The following DNAJC17 variants were observed in gnomAD, a reference collection of about 807,000 sequenced individuals.
DNAJC17 encodes the protein dnaJ homolog subfamily C member 17.
Under a neutral mutation model 48.1 loss-of-function variants are expected in DNAJC17, and 35 were observed. The ratio of observed to expected loss-of-function variants is 0.73; its 90% CI spans 0.56 to 0.96. The LOEUF (loss-of-function observed/expected upper bound fraction) is 0.96. DNAJC17 is among the 50% of genes least tolerant of loss of function. The pLI, the probability that DNAJC17 is intolerant of heterozygous loss-of-function variation, is 0.00. For missense variants in DNAJC17, 355 were observed against 377.1 expected, an observed-to-expected ratio of 0.94 and a Z score of 0.48; for synonymous variants, 117 against 142.7, an observed-to-expected ratio of 0.82 and a Z score of 1.28.
At chr15:40,799,481 G>A (rs1178556749) in intron 1 of DNAJC17, among the ~76,000 whole-genome samples, 1 of 152,098 alleles carries the variant, frequency 6.6e-6, no homozygotes, top group African/African-American at 2.4e-5. Flanking sequence ...GTGATATGAG[G>A]GAAGAACATT....
Position 40,807,395 on chromosome 15 carries a change from T to C in DNAJC17, c.52A>G (p.Ile18Val). ...LQMDLYALLG[I>V]EEKAADKEVK... ...TCTTTGTCCGCTGCCTTCTCCTCAA[T>C]GCCTAGCAGCGCGTACAGGTCCATC... is the stretch of plus-strand genomic sequence containing the variant. The change falls in exon 1 of 11, where the codon ATT becomes GTT. Residue 18 changes from isoleucine to valine, a missense_variant. Physicochemically the swap from Ile to Val is conservative, Grantham distance 29. This residue lies in a region of DNAJC17 where 199 missense variants were observed against 199.9 expected (regional missense o/e 1.00). Transcript: ENST00000220496. The C allele has an allele frequency of 6.2e-7, 1 of 1,614,254 alleles. No homozygotes were observed. The highest frequency in any genetic ancestry group is 1.3e-5 in the African/African-American group (1 of 75,080).
At chr15:40,776,150 C>G in intron 6 of DNAJC17, 46 bp downstream of exon 6, 4 of 1,590,546 alleles carry the variant, frequency 2.5e-6, no homozygotes, top group East Asian at 4.5e-5. Flanking sequence ...TCTGAGCAAT[C>G]TGGAGCTACC....
At chr15:40,803,598 C>G (rs1041470053) in intron 1 of DNAJC17, among the ~76,000 whole-genome samples, 4 of 152,210 alleles carry the variant, frequency 2.6e-5, no homozygotes, top group African/African-American at 9.7e-5. Context: ...CTCCACATGT[C>G]CAAACTCTGC....
intron 1 of DNAJC17, among the ~76,000 whole-genome samples, chr15:40,796,604 G>C (rs1889945125): frequency 6.6e-6 from 1 of 152,190 alleles, no homozygotes; most frequent in South Asian, 2.1e-4. Context: ...GAAAATTTAA[G>C]TGTGGAAAGG....
In DNAJC17 at chr15:40,767,088, C is replaced by T; in HGVS notation, c.*852G>A. The T allele has an allele frequency of 1.2e-6, 1 of 818,022 alleles. No individual in the cohort carries two copies. The highest frequency in any genetic ancestry group is 1.8e-6 in the Non-Finnish European group (1 of 560,626). 50.7% of individuals were successfully genotyped at this position (818,022 alleles called of 1,614,324 possible). On this transcript the variant is annotated 3_prime_UTR_variant, in exon 11 of 11. Transcript: ENST00000220496. ...AAGGGGAGGAGGCAGGGGGCGTGCA[C>T]TTACCCCAGCGCCCAGCAAGCAGCC...
chr15:40,779,776 C>T (rs907392523), intron 2 of DNAJC17, 152 bp downstream of exon 2: 4 of 1,092,512 alleles, frequency 3.7e-6, no homozygotes, highest in Non-Finnish European at 5.3e-6. Flanking sequence ...TGACCAGACA[C>T]CCCTCACAGG....
rs117520770 is a variant in DNAJC17, at chr15:40,804,929, G to C, written c.78+2440C>G. ...AGGCAGGAGAATTCCCTGAACCTGG[G>C]GGGCAGAGGTTGCAGTGAGCCAAGG... On this transcript the variant is annotated intron_variant, in intron 1 of 10. Transcript: ENST00000220496. Among the ~76,000 whole-genome samples, 250 of 150,862 alleles carry C rather than the reference G, an allele frequency of 1.7e-3. 5 individuals are homozygous for C. In the East Asian group the frequency reaches 0.046, roughly 27 times the overall value.
intron 1 of DNAJC17, among the ~76,000 whole-genome samples, chr15:40,800,005 G>T (rs916497574): frequency 7.3e-5 from 11 of 150,812 alleles, no homozygotes; most frequent in South Asian, 2.1e-4. Context: ...TTTTTTTTTT[G>T]TTGTTGTTGT....
chr15:40,775,817 T>C (rs16970995), intron 6 of DNAJC17, among the ~76,000 whole-genome samples: 7,531 of 152,098 alleles, frequency 0.05, 643 homozygotes, highest in African/African-American at 0.17. Context: ...TGAAGGCCAC[T>C]TGTCAGCACT....
intron 2 of DNAJC17, 41 bp from the exon 3 acceptor site, chr15:40,779,644 A>C (rs1889426025): frequency 1.2e-6 from 2 of 1,606,746 alleles, no homozygotes; most frequent in Non-Finnish European, 1.7e-6. Flanking sequence ...AAATAAAGTT[A>C]AGACTTCGTA....
chr15:40,788,761 G>A (rs1459172702), intron 1 of DNAJC17, among the ~76,000 whole-genome samples: 1 of 151,952 alleles, frequency 6.6e-6, no homozygotes, highest in Admixed American at 6.6e-5. Context: ...TGTAGTCCCA[G>A]CTACTTGGGT....
chr15:40,765,601 A>G lies in DNAJC17; in HGVS notation c.*2339T>C, dbSNP rs1888930412. The G allele has an allele frequency of 1.7e-5, 6 of 351,356 alleles. No individual in the cohort carries two copies. The allele number at this position is 351,356 out of a possible 1,614,324, so 21.8% of individuals were successfully genotyped here. On this transcript the variant is annotated 3_prime_UTR_variant, in exon 11 of 11. Transcript: ENST00000220496. ...TAGGCTCGTGATACTTTGCCTGGCTAAAGCTGAGCTTTAAGGCACTAGGGA... is the reference window on the plus strand; with the variant it reads ...TAGGCTCGTGATACTTTGCCTGGCTGAAGCTGAGCTTTAAGGCACTAGGGA...
chr15:40,801,124 C>T (rs952586137), intron 1 of DNAJC17, among the ~76,000 whole-genome samples: 1 of 152,202 alleles, frequency 6.6e-6, no homozygotes, highest in African/African-American at 2.4e-5. Context: ...GCTACTACTT[C>T]ATTCATTCAA....
intron 1 of DNAJC17, chr15:40,807,077 G>A (rs923400369): frequency 4.7e-6 from 3 of 644,598 alleles, no homozygotes; most frequent in Non-Finnish European, 5.2e-6. Flanking sequence ...CGCAGGCGCA[G>A]AGGAGGCTAG....
chr15:40,773,342 G>A (rs1239496154), intron 10 of DNAJC17, among the ~76,000 whole-genome samples: 1 of 152,108 alleles, frequency 6.6e-6, no homozygotes, highest in African/African-American at 2.4e-5. Context: ...CCAGAAAACT[G>A]AAGTGCTGGG....
Position 40,770,908 on chromosome 15 carries a change from C to T in DNAJC17, c.792+2819G>A. ...GACACTCCCTGCTTCCAGAGGACAC[C>T]TACCCCAGACCTCAGTGATCCCTTC... On this transcript the variant is annotated intron_variant, in intron 10 of 10. Transcript: ENST00000220496. This position sits in a 1 kb window ranked among gnomAD's most constrained non-coding sequence, Gnocchi z 5.0. 7 of 1,551,512 alleles carry T rather than the reference C, an allele frequency of 4.5e-6. No individual in the cohort carries two copies. The highest frequency in any genetic ancestry group is 6.1e-6 in the Non-Finnish European group (7 of 1,147,002).
intron 7 of DNAJC17, 26 bp downstream of exon 7, chr15:40,775,527 G>GGC (rs1382027667): frequency 6.2e-7 from 1 of 1,612,532 alleles, no homozygotes; most frequent in South Asian, 1.1e-5. Flanking sequence ...AGTGTGAGGT[G>GGC]GCCCACAGAT....
rs772223491 is a variant in DNAJC17 at position 40,766,583 on chromosome 15, G to A, written c.*1357C>T. The A allele has an allele frequency of 6.6e-6, 1 of 152,310 alleles. No individual in the cohort carries two copies. Among genetic ancestry groups the A allele is most frequent in the Non-Finnish European group, 1.5e-5 (1 of 68,080 alleles). The allele number at this position is 152,310 out of a possible 1,614,324, so 9.4% of individuals were successfully genotyped here. A position where few individuals can be genotyped will look rare whatever the true frequency, so the allele number is the denominator to read the frequency against. On this transcript the variant is annotated 3_prime_UTR_variant, in exon 11 of 11. Transcript: ENST00000220496. ...GAAGCCAGCCCCCTCCCTTTGCCATGAGGCACTTGCCTCTCCATGCCCAGC... is the reference window on the plus strand; with the variant it reads ...GAAGCCAGCCCCCTCCCTTTGCCATAAGGCACTTGCCTCTCCATGCCCAGC...
rs779888515 is a variant in DNAJC17, at chr15:40,776,203, C to A, written c.471G>T (p.Arg157Ser). Residue 157 changes from arginine to serine, a missense_variant, in exon 6 of 11, where the codon AGG becomes AGT. Physicochemically the swap from Arg to Ser is moderately radical, Grantham distance 110. This residue lies in a region of DNAJC17 where 199 missense variants were observed against 199.9 expected (regional missense o/e 1.00). Coordinates refer to ENST00000220496, the MANE Select transcript of DNAJC17 (RefSeq NM_018163.3). ...GGGGTGATAGACCTGCACCTCTCAA[C>A]CTCTGGTCACGCTCCTGGCGTATCT... The part of the protein sequence containing the change: ...REQIRQERDQ[R>S]LRGKAENTEG... 9 of 1,613,564 alleles carry A rather than the reference C, an allele frequency of 5.6e-6. No individual in the cohort carries two copies. In the African/African-American group the frequency reaches 1.2e-4, roughly 22 times the overall value.
Sources: gnomAD v4.1 joint callset for allele counts (sites outside exome capture counted in the v4.1 genomes callset) on GRCh38, gnomAD v4.1.1 for gene constraint, gnomAD v4.1.1 regional missense constraint, Gnocchi (gnomAD v3.1) non-coding constraint, MANE v1.5 for transcripts, NCBI Gene and HGNC (gene_info 2026-07-23, HGNC 2026-07-21) for gene names.